The following KLRF1 variants were observed in gnomAD, a reference collection of about 807,000 sequenced individuals.
The protein encoded by KLRF1 is killer cell lectin-like receptor subfamily F member 1.
A neutral mutation model predicts 30.7 loss-of-function variants in KLRF1; 27 were observed. The observed-to-expected ratio is 0.88, with a 90% CI of 0.65 to 1.21. KLRF1 has a LOEUF of 1.21. KLRF1 is among the 50% of genes most tolerant of loss of function. The pLI is 0.00. For synonymous variants in KLRF1, 92 were observed against 89.3 expected (o/e 1.03, Z -0.17); for missense variants, 246 against 259.3 (o/e 0.95, Z 0.35).
chr12:9,815,860 C>G, the KLRF1 span, among the ~76,000 whole-genome samples: 1 of 152,122 alleles, frequency 6.6e-6, no homozygotes, highest in Non-Finnish European at 1.5e-5. Flanking sequence ...CTCTTGTTGC[C>G]CAGGCTGGAG....
At chr12:9,842,688 CTT>C (rs1284712513) in intron 5 of KLRF1, among the ~76,000 whole-genome samples, 5 of 152,034 alleles carry the variant, frequency 3.3e-5, no homozygotes, top group Admixed American at 1.3e-4. Context: ...AATGCAGTCT[CTT>C]ATTTTTAAAG....
At chr12:9,816,171 A>T in the KLRF1 span, among the ~76,000 whole-genome samples, 1 of 152,214 alleles carries the variant, frequency 6.6e-6, no homozygotes, top group Non-Finnish European at 1.5e-5. Context: ...CCAACGTGCA[A>T]CAAGGAAGTC....
chr12:9,823,312 T>C (rs964216317), upstream of KLRF1, among the ~76,000 whole-genome samples: 2 of 141,906 alleles, frequency 1.4e-5, no homozygotes, highest in African/African-American at 2.6e-5. Flanking sequence ...GCAATAAAAA[T>C]AGAAATCAAG....
the KLRF1 span, among the ~76,000 whole-genome samples, chr12:9,802,322 T>C: frequency 5.3e-5 from 8 of 151,994 alleles, no homozygotes; most frequent in African/African-American, 1.9e-4. Context: ...AAACTAGGTA[T>C]TGATGGATGT....
chr12:9,812,384 A>T, the KLRF1 span, among the ~76,000 whole-genome samples: 1 of 151,806 alleles, frequency 6.6e-6, no homozygotes, highest in South Asian at 2.1e-4. Flanking sequence ...AAAAAAAAAA[A>T]AAAAAAGATT....
the KLRF1 span, among the ~76,000 whole-genome samples, chr12:9,815,709 G>A: frequency 1.3e-5 from 2 of 152,174 alleles, no homozygotes; most frequent in African/African-American, 4.8e-5. Flanking sequence ...GCTAAAATAC[G>A]CTCCTGTAAA....
chr12:9,839,744 T>C (rs778155621), intron 3 of KLRF1, among the ~76,000 whole-genome samples: 1 of 152,164 alleles, frequency 6.6e-6, no homozygotes, highest in East Asian at 1.9e-4. Context: ...TGTGGAGAAA[T>C]TGCTCACATA....
the KLRF1 span, among the ~76,000 whole-genome samples, chr12:9,821,403 T>C: frequency 5.3e-5 from 8 of 151,972 alleles, no homozygotes; most frequent in African/African-American, 1.9e-4. Flanking sequence ...ACCTTATCCA[T>C]ACCCCCATCA....
At chr12:9,831,258 TATTC>T (rs1867420333) in intron 1 of KLRF1, among the ~76,000 whole-genome samples, 1 of 152,118 alleles carries the variant, frequency 6.6e-6, no homozygotes, top group Admixed American at 6.6e-5. Flanking sequence ...AAATGTGGAG[TATTC>T]ATTAAATGAA....
chr12:9,805,992 A>T, the KLRF1 span, among the ~76,000 whole-genome samples: 1 of 151,826 alleles, frequency 6.6e-6, no homozygotes, highest in Admixed American at 6.6e-5. Context: ...TGTTGATTTT[A>T]TCTATTGATT....
chr12:9,801,699 GT>G, the KLRF1 span, among the ~76,000 whole-genome samples: 1 of 151,860 alleles, frequency 6.6e-6, no homozygotes, highest in African/African-American at 2.4e-5. Flanking sequence ...GGGATTGTTT[GT>G]TTCGTTCTTG....
chr12:9,815,065 C>T, the KLRF1 span, among the ~76,000 whole-genome samples: 1 of 152,128 alleles, frequency 6.6e-6, no homozygotes, highest in Non-Finnish European at 1.5e-5. Context: ...GATAATTACA[C>T]AACCGATGCA....
chr12:9,817,501 A>C, the KLRF1 span: 1 of 408,586 alleles, frequency 2.4e-6, no homozygotes, highest in Non-Finnish European at 4.8e-6. Flanking sequence ...TTTTTTCCAG[A>C]GTACTGTTTT....
chr12:9,821,340 A>G, the KLRF1 span, among the ~76,000 whole-genome samples: 2 of 152,120 alleles, frequency 1.3e-5, no homozygotes, highest in Non-Finnish European at 2.9e-5. Context: ...CTGCCTCTGC[A>G]GCGGTACTAC....
chr12:9,823,353 A>G (rs923039531), upstream of KLRF1, among the ~76,000 whole-genome samples: 1 of 152,200 alleles, frequency 6.6e-6, no homozygotes, highest in Non-Finnish European at 1.5e-5. Context: ...CCATGCAATT[A>G]CATGGGAATT....
the KLRF1 span, among the ~76,000 whole-genome samples, chr12:9,815,700 C>G: frequency 1.3e-5 from 2 of 152,178 alleles, no homozygotes; most frequent in African/African-American, 4.8e-5. Flanking sequence ...GAAAGTGGTG[C>G]TAAAATACGC....
At chr12:9,814,890 A>G in the KLRF1 span, among the ~76,000 whole-genome samples, 7 of 152,278 alleles carry the variant, frequency 4.6e-5, no homozygotes, top group African/African-American at 1.4e-4. Flanking sequence ...ATGCAAACAT[A>G]CAATTAGAAG....
rs766929810 is a variant in KLRF1, at chr12:9,844,466, G to A, written c.636G>A (p.Lys212=). 5.0e-6 allele frequency: 8 copies of A among 1,611,146 alleles called. No individual in the cohort carries two copies. In the East Asian group the frequency reaches 1.8e-4, roughly 36 times the overall value. Residue 212 remains lysine (K), a synonymous_variant, in exon 6 of 6, where the codon AAG becomes AAA. Coordinates refer to ENST00000617889, the MANE Select transcript of KLRF1 (RefSeq NM_016523.3). ...PAKENSCAAI[K]ESKIFSETCS... is the part of the protein sequence containing the mutation. ...AAGAAAACAGCTGTGCTGCCATTAA[G>A]GAAAGCAAAATTTTCTCTGAAACCT...
upstream of KLRF1, among the ~76,000 whole-genome samples, chr12:9,823,881 G>A (rs199849156): frequency 1.6e-4 from 24 of 152,082 alleles, no homozygotes; most frequent in South Asian, 4.8e-3. Context: ...AGAAAACTTC[G>A]AAGATATAGA....
Sources: gnomAD v4.1 joint callset for allele counts (sites outside exome capture counted in the v4.1 genomes callset) on GRCh38, gnomAD v4.1.1 for gene constraint, MANE v1.5 for transcripts, NCBI Gene and HGNC (gene_info 2026-07-23, HGNC 2026-07-21) for gene names.